NOPCHAP1: variants seen among roughly 807,000 people sequenced by gnomAD.
NOPCHAP1 encodes the protein NOP protein chaperone 1, also known as DNA damage-sensitive RNA 1.
In NOPCHAP1, 13 loss-of-function variants were observed where a neutral mutation model predicts 14.0. The ratio of observed to expected loss-of-function variants is 0.93; its 90% CI spans 0.60 to 1.47. The LOEUF is 1.47. Ranked by LOEUF, NOPCHAP1 falls within the 40% of genes most tolerant of loss-of-function variation. The pLI, the probability that NOPCHAP1 is intolerant of heterozygous loss-of-function variation, is 0.00. For synonymous variants in NOPCHAP1, 78 were observed against 78.4 expected, an observed-to-expected ratio of 1.00 and a Z score of 0.03; for missense variants, 230 against 226.9, an observed-to-expected ratio of 1.01 and a Z score of -0.09.
At chr12:104,988,286 A>C (rs751901551) in intron 2 of NOPCHAP1, 33 bp downstream of exon 2, 9 of 1,519,120 alleles carry the variant, frequency 5.9e-6, no homozygotes, top group South Asian at 2.3e-5. Flanking sequence ...CACCCTCTCT[A>C]ATGCTGAGTT....
At chr12:104,986,754 G>A (rs769124671) in intron 1 of NOPCHAP1, among the ~76,000 whole-genome samples, 3 of 152,214 alleles carry the variant, frequency 2.0e-5, no homozygotes, top group Non-Finnish European at 4.4e-5. Flanking sequence ...CATCTGCCCT[G>A]CCCTGGAAGC....
Position 104,988,155 on chromosome 12 carries a change from C to G in NOPCHAP1, c.116-12C>G, listed in dbSNP as rs759516283. On this transcript the variant is annotated splice_polypyrimidine_tract_variant and intron_variant, in intron 1 of 3. Transcript: ENST00000552951. Reference sequence around the variant, plus strand: ...TAGTAAATTAAGGGTGTTTGTGTGTCTGTATTTTCAGGTATATGGGACAGG... The same window carrying G: ...TAGTAAATTAAGGGTGTTTGTGTGTGTGTATTTTCAGGTATATGGGACAGG... 11 of 1,592,262 alleles carry G rather than the reference C, an allele frequency of 6.9e-6. No homozygotes were observed. In the African/African-American group the frequency reaches 9.4e-5, roughly 14 times the overall value.
rs1398294861 is a variant in NOPCHAP1, at chr12:105,012,377, G to C, written c.*17681G>C. 1 of 152,174 alleles carries C rather than the reference G, an allele frequency of 6.6e-6. No individual in the cohort carries two copies. Among genetic ancestry groups the C allele is most frequent in the African/African-American group, 2.4e-5 (1 of 41,432 alleles). The allele number at this position is 152,174 out of a possible 1,614,324, so 9.4% of individuals were successfully genotyped here. On this transcript the variant is annotated 3_prime_UTR_variant, in exon 4 of 4. Coordinates refer to ENST00000552951, the MANE Select transcript of NOPCHAP1 (RefSeq NM_152318.3). Reference sequence around the variant, plus strand: ...TTCTCTCAACTGGTTATTCTAGTTAGCAATTTCTCTAATCTTTTTTCAAGG... The same window carrying C: ...TTCTCTCAACTGGTTATTCTAGTTACCAATTTCTCTAATCTTTTTTCAAGG...
In NOPCHAP1 at chr12:105,002,844, T is replaced by C. The variant is rs1873636598; in HGVS notation, c.*8148T>C. 1 of 152,232 alleles carries C rather than the reference T, an allele frequency of 6.6e-6. No individual in the cohort carries two copies. The highest frequency in any genetic ancestry group is 1.5e-5 in the Non-Finnish European group (1 of 68,034). The allele number at this position is 152,232 out of a possible 1,614,324, so 9.4% of individuals were successfully genotyped here. ...TTACCGTGTCTGGAAGCTTAATTTTTGACCATGGAGTAAAGGTGGTTATGG... is the reference window on the plus strand; with the variant it reads ...TTACCGTGTCTGGAAGCTTAATTTTCGACCATGGAGTAAAGGTGGTTATGG... On this transcript the variant is annotated 3_prime_UTR_variant, in exon 4 of 4. Transcript: ENST00000552951.
intron 3 of NOPCHAP1, among the ~76,000 whole-genome samples, chr12:104,992,145 T>G (rs1319913265): frequency 6.6e-6 from 1 of 152,228 alleles, no homozygotes; most frequent in African/African-American, 2.4e-5. Flanking sequence ...TAGCCTGATT[T>G]ATTGAGTATG....
Position 105,004,232 on chromosome 12 carries a change from C to T in NOPCHAP1, c.*9536C>T, listed in dbSNP as rs1873664263. ...TGGTGATGAGTGAATTTGTTAGCAT[C>T]TTTTTTCTTCAGCATGGATTTCAGA... On this transcript the variant is annotated 3_prime_UTR_variant, in exon 4 of 4. Coordinates refer to ENST00000552951, the MANE Select transcript of NOPCHAP1 (RefSeq NM_152318.3). The T allele has an allele frequency of 6.6e-6, 1 of 152,050 alleles. No homozygotes were observed. The highest frequency in any genetic ancestry group is 1.5e-5 in the Non-Finnish European group (1 of 68,000). The allele number at this position is 152,050 out of a possible 1,614,324, so 9.4% of individuals were successfully genotyped here. A position where few individuals can be genotyped will look rare whatever the true frequency, so the allele number is the denominator to read the frequency against.
In NOPCHAP1 at chr12:105,011,781, T is replaced by C. The variant is rs1873832674; in HGVS notation, c.*17085T>C. 1 of 152,244 alleles carries C rather than the reference T, an allele frequency of 6.6e-6. No homozygotes were observed. Among genetic ancestry groups the C allele is most frequent in the African/African-American group, 2.4e-5 (1 of 41,462 alleles). 9.4% of individuals were successfully genotyped at this position (152,244 alleles called of 1,614,324 possible). ...TTTGGCTGGATATGAAATTCTGGGT[T>C]GAAAATTCTTCTTTTTAAGAATGTT... is the stretch of plus-strand genomic sequence containing the variant. On this transcript the variant is annotated 3_prime_UTR_variant, in exon 4 of 4. Transcript: ENST00000552951.
Position 104,994,745 on chromosome 12 carries a change from T to C in NOPCHAP1, c.*49T>C, listed in dbSNP as rs1873462315. 2 of 1,485,254 alleles carry C rather than the reference T, an allele frequency of 1.3e-6. No homozygotes were observed. Among genetic ancestry groups the C allele is most frequent in the South Asian group, 1.2e-5 (1 of 83,278 alleles). 92.0% of individuals were successfully genotyped at this position (1,485,254 alleles called of 1,614,324 possible). A position where few individuals can be genotyped will look rare whatever the true frequency, so the allele number is the denominator to read the frequency against. ...ACAGGTGACATATGTCTGCAAATTC[T>C]GTGAAAAAGAATGTGATTCACGGGT... is the stretch of plus-strand genomic sequence containing the variant. On this transcript the variant is annotated 3_prime_UTR_variant, in exon 4 of 4. Coordinates refer to ENST00000552951, the MANE Select transcript of NOPCHAP1 (RefSeq NM_152318.3).
intron 1 of NOPCHAP1, among the ~76,000 whole-genome samples, chr12:104,987,837 T>C (rs1372797537): frequency 6.6e-6 from 1 of 152,256 alleles, no homozygotes; most frequent in East Asian, 1.9e-4. Context: ...ACCATTGTTA[T>C]GCTCTGTACT....
chr12:104,988,059 AGT>A (rs1282227695), intron 1 of NOPCHAP1, 106 bp from the exon 2 acceptor site: 15 of 756,968 alleles, frequency 2.0e-5, no homozygotes, highest in Admixed American at 1.0e-4. Context: ...ATTTTGGGGG[AGT>A]GTGGACAGTC....
chr12:104,991,785 T>G lies in NOPCHAP1; in HGVS notation c.276T>G (p.Ala92=). 1 of 1,613,726 alleles carries G rather than the reference T, an allele frequency of 6.2e-7. No individual in the cohort carries two copies. Among genetic ancestry groups the G allele is most frequent in the Non-Finnish European group, 8.5e-7 (1 of 1,179,920 alleles). The change falls in exon 3 of 4, where the codon GCT becomes GCG. Residue 92 remains alanine (A), a synonymous_variant. Coordinates refer to ENST00000552951, the MANE Select transcript of NOPCHAP1 (RefSeq NM_152318.3). ...AAAAGCTAAGAAAAGAAATGGCAGC[T>G]GCACCACCTGGTCGTTTCAATATTG... ...ANEKLRKEMA[A]APPGRFNIEN...
chr12:105,007,320 C>T lies in NOPCHAP1; in HGVS notation c.*12624C>T, dbSNP rs1278406135. 3 of 152,130 alleles carry T rather than the reference C, an allele frequency of 2.0e-5. No homozygotes were observed. Among genetic ancestry groups the T allele is most frequent in the African/African-American group, 7.2e-5 (3 of 41,410 alleles). The allele number at this position is 152,130 out of a possible 1,614,324, so 9.4% of individuals were successfully genotyped here. A position where few individuals can be genotyped will look rare whatever the true frequency, so the allele number is the denominator to read the frequency against. On this transcript the variant is annotated 3_prime_UTR_variant, in exon 4 of 4. Transcript: ENST00000552951. ...ATTTCCTTTTCTTTTTAACAATGGT[C>T]CTGATGCTGGATTCATTTATCTTGA...
intron 1 of NOPCHAP1, 74 bp downstream of exon 1, chr12:104,986,541 C>A (rs1052926109): frequency 2.4e-6 from 3 of 1,262,398 alleles, no homozygotes; most frequent in African/African-American, 3.1e-5. Flanking sequence ...GTTTGGGAGC[C>A]GGCCGGTGGC....
Position 105,010,602 on chromosome 12 carries a change from T to C in NOPCHAP1, c.*15906T>C, listed in dbSNP as rs2136033333. Reference sequence around the variant, plus strand: ...ATTTTAGATCTTTCCCGCTTTCTCCTGTGGGCATTTAGTGCTATAAATTTC... The same window carrying C: ...ATTTTAGATCTTTCCCGCTTTCTCCCGTGGGCATTTAGTGCTATAAATTTC... On this transcript the variant is annotated 3_prime_UTR_variant, in exon 4 of 4. Coordinates refer to ENST00000552951, the MANE Select transcript of NOPCHAP1 (RefSeq NM_152318.3). 1 of 152,376 alleles carries C rather than the reference T, an allele frequency of 6.6e-6. No individual in the cohort carries two copies. Among genetic ancestry groups the C allele is most frequent in the South Asian group, 2.1e-4 (1 of 4,830 alleles). 9.4% of individuals were successfully genotyped at this position (152,376 alleles called of 1,614,324 possible).
chr12:104,986,678 C>G (rs528302710), intron 1 of NOPCHAP1, among the ~76,000 whole-genome samples: 1 of 152,246 alleles, frequency 6.6e-6, no homozygotes, highest in South Asian at 2.1e-4. Context: ...GAATGGTTTC[C>G]CCAGCTAGTG....
intron 3 of NOPCHAP1, among the ~76,000 whole-genome samples, chr12:104,994,051 T>C (rs1873440692): frequency 6.6e-6 from 1 of 152,188 alleles, no homozygotes; most frequent in African/African-American, 2.4e-5. Flanking sequence ...TAAAAACATT[T>C]CTTATCCTTG....
intron 3 of NOPCHAP1, among the ~76,000 whole-genome samples, chr12:104,994,049 T>A (rs898848401): frequency 6.6e-6 from 1 of 152,192 alleles, no homozygotes; most frequent in Non-Finnish European, 1.5e-5. Flanking sequence ...ATTAAAAACA[T>A]TTCTTATCCT....
At chr12:104,986,602 G>T in intron 1 of NOPCHAP1, 135 bp downstream of exon 1, 1 of 700,120 alleles carries the variant, frequency 1.4e-6, no homozygotes. Context: ...ACTGCTGCGG[G>T]GCTCCGGCGT....
chr12:104,991,931 A>C, intron 3 of NOPCHAP1, 83 bp downstream of exon 3: 2 of 1,466,132 alleles, frequency 1.4e-6, no homozygotes, highest in South Asian at 1.4e-5. Context: ...TTTTATTTTC[A>C]AGTTTTCATT....
Sources: gnomAD v4.1 joint callset for allele counts (sites outside exome capture counted in the v4.1 genomes callset) on GRCh38, gnomAD v4.1.1 for gene constraint, MANE v1.5 for transcripts, NCBI Gene and HGNC (gene_info 2026-07-23, HGNC 2026-07-21) for gene names.